The following INTS1 variants were observed in gnomAD, a reference collection of about 807,000 sequenced individuals.
INTS1 encodes the protein integrator complex subunit 1.
INTS1 carries 137 observed loss-of-function variants against 241.6 expected under a neutral mutation model. The ratio of observed to expected loss-of-function variants is 0.57; its 90% CI spans 0.49 to 0.65. INTS1 has a LOEUF of 0.65. Ranked by LOEUF, INTS1 falls within the 30% of genes least tolerant of loss-of-function variation. INTS1 has a pLI of 0.00. For synonymous variants in INTS1, 1,692 were observed against 1,337.8 expected (o/e 1.26, Z -5.78); for missense variants, 3,073 against 3,032.2 (o/e 1.01, Z -0.32).
In INTS1 at chr7:1,470,856, G is replaced by C. The variant is rs1781429652; in HGVS notation, c.6447C>G (p.Leu2149=). 1 of 1,590,072 alleles carries C rather than the reference G, an allele frequency of 6.3e-7. No individual in the cohort carries two copies. The highest frequency in any genetic ancestry group is 2.3e-5 in the East Asian group (1 of 43,356). The change falls in exon 47 of 48, where the codon CTC becomes CTG. Residue 2149 remains leucine, a synonymous_variant. Transcript: ENST00000404767. ...GGGGCCAGTCCTCACCTTGGCACAG[G>C]AGAGCGTACTCAGGCAGGTTCCGGA... The part of the protein sequence containing the change: ...TALRNLPEYA[L]LCQEHAAVLL...
At chr7:1,503,836 G>A in intron 2 of INTS1, 67 bp downstream of exon 2, 4 of 810,350 alleles carry the variant, frequency 4.9e-6, no homozygotes, top group South Asian at 1.8e-5. Context: ...CGCGGCAGCT[G>A]AGATCCCCAA....
chr7:1,482,869 T>A, intron 26 of INTS1, 162 bp from the exon 27 acceptor site: 1 of 770,876 alleles, frequency 1.3e-6, no homozygotes, highest in Admixed American at 2.7e-5. Flanking sequence ...TATGTGCGGA[T>A]GCTTTGCGTA....
rs748285502 is a variant in INTS1, at chr7:1,474,326, G to A, written c.5671C>T (p.Arg1891Cys). Residue 1891 changes from arginine (R) to cysteine (C), a missense_variant, in exon 41 of 48, where the codon CGC (arginine) becomes TGC (cysteine). Transcript: ENST00000404767. ...AACTCCTGGAAGTTGAGGTGGGTGC[G>A]GCCGTGCAGGAGCGCCGCGATCATG... Reference protein sequence around the residue: ...LPMIAALLHGRTHLNFQEFRQ... With the variant: ...LPMIAALLHGCTHLNFQEFRQ... 1.2e-5 allele frequency: 19 copies of A among 1,606,040 alleles called. No homozygotes were observed. In the East Asian group the frequency reaches 2.7e-4, roughly 23 times the overall value.
In INTS1 at chr7:1,481,260, C is replaced by G; in HGVS notation, c.3850+82G>C. On this transcript the variant is annotated intron_variant, in intron 28 of 47. Coordinates refer to ENST00000404767, the MANE Select transcript of INTS1 (RefSeq NM_001080453.3). The surrounding 1 kb of genome is among the most constrained non-coding windows in gnomAD (Gnocchi z 6.8). ...CCCGACCTCGGATCACCCACCCGCT[C>G]GCACCCAGGCCCCAAAAGCCTGGCC... 6.5e-7 allele frequency: 1 copy of G among 1,530,324 alleles called. No homozygotes were observed. 94.8% of individuals were successfully genotyped at this position (1,530,324 alleles called of 1,614,324 possible).
At position 1,479,558 on chromosome 7, in the gene INTS1, T is replaced by G. The variant is rs745854909; in HGVS notation, c.4201A>C (p.Ile1401Leu). The change falls in exon 31 of 48, where the codon ATC becomes CTC. Residue 1401 changes from isoleucine (I) to leucine (L), a missense_variant. Transcript: ENST00000404767. ...VVQGSPEVPGITVRVLQALAT... is the reference protein window; with the variant it reads ...VVQGSPEVPGLTVRVLQALAT... Reference sequence around the variant, plus strand: ...AGGGCCTGCAGGACACGCACCGTGATGCCCGGCACCTCGGGGCTGCCCTGG... The same window carrying G: ...AGGGCCTGCAGGACACGCACCGTGAGGCCCGGCACCTCGGGGCTGCCCTGG... 6.4e-7 allele frequency: 1 copy of G among 1,552,716 alleles called. No individual in the cohort carries two copies. The highest frequency in any genetic ancestry group is 8.7e-7 in the Non-Finnish European group (1 of 1,150,196).
intron 17 of INTS1, 60 bp from the exon 18 acceptor site, chr7:1,489,464 C>T: frequency 6.4e-7 from 1 of 1,564,972 alleles, no homozygotes; most frequent in Admixed American, 1.9e-5. Flanking sequence ...CGTGTGACCC[C>T]CGCTTCTCCC....
chr7:1,473,266 G>A lies in INTS1; in HGVS notation c.5958-82C>T, dbSNP rs10249696. The A allele has an allele frequency of 3.0e-4, 285 of 950,142 alleles. 2 individuals are homozygous for A. The African/African-American group carries it at 4.2e-3, about 14-fold the overall frequency. 58.9% of individuals were successfully genotyped at this position (950,142 alleles called of 1,614,324 possible). A position where few individuals can be genotyped will look rare whatever the true frequency, so the allele number is the denominator to read the frequency against. ...GTCAGGGGTCAAACTAGGGTGGCAT[G>A]GGAGCGTGTGGACACAGGCATGCAG... On this transcript the variant is annotated intron_variant, in intron 42 of 47. Transcript: ENST00000404767.
At chr7:1,485,894 A>G (rs1192342910) in intron 22 of INTS1, among the ~76,000 whole-genome samples, 1 of 152,172 alleles carries the variant, frequency 6.6e-6, no homozygotes, top group Non-Finnish European at 1.5e-5. Flanking sequence ...TACAGCCTCA[A>G]GTGATTCTCC....
Position 1,470,617 on chromosome 7 carries a change from G to A in INTS1, c.6533C>T (p.Ser2178Phe). The change falls in exon 48 of 48, where the codon TCC becomes TTC. Residue 2178 changes from serine (S) to phenylalanine (F), a missense_variant. Coordinates refer to ENST00000404767, the MANE Select transcript of INTS1 (RefSeq NM_001080453.3). ...YGQMDPSAQI[S>F]EALRILHMEA... ...CATATGCAGGATCCTCAGGGCCTCG[G>A]AGATCTGCGCGCTGGGGTCCATCTG... The A allele has an allele frequency of 1.3e-6, 2 of 1,586,426 alleles. No homozygotes were observed. The highest frequency in any genetic ancestry group is 1.1e-5 in the South Asian group (1 of 87,208).
rs183466870 is a variant in INTS1, at chr7:1,476,134, G to A, written c.5379-63C>T. 613 of 1,524,710 alleles carry A rather than the reference G, an allele frequency of 4.0e-4. 9 individuals are homozygous for A. The East Asian group carries it at 0.014, about 35-fold the overall frequency. The allele number at this position is 1,524,710 out of a possible 1,614,324, so 94.4% of individuals were successfully genotyped here. A position where few individuals can be genotyped will look rare whatever the true frequency, so the allele number is the denominator to read the frequency against. Reference sequence around the variant, plus strand: ...GCCCCAGTGACAGGGGTGGGTGGACGGGACCAGGCGTGATGGGAACCCACC... The same window carrying A: ...GCCCCAGTGACAGGGGTGGGTGGACAGGACCAGGCGTGATGGGAACCCACC... On this transcript the variant is annotated intron_variant, in intron 38 of 47. Transcript: ENST00000404767.
intron 41 of INTS1, 32 bp downstream of exon 41, chr7:1,474,136 G>A (rs1172493017): frequency 1.3e-6 from 2 of 1,534,472 alleles, no homozygotes; most frequent in East Asian, 2.3e-5. Flanking sequence ...GGAGTGGAAG[G>A]GAGCGCGAGG....
intron 12 of INTS1, 52 bp downstream of exon 12, chr7:1,496,104 C>G: frequency 6.9e-7 from 1 of 1,453,128 alleles, no homozygotes; most frequent in Non-Finnish European, 9.7e-7. Context: ...CAGCCACCAG[C>G]CTGGACCCGA....
intron 26 of INTS1, 124 bp downstream of exon 26, chr7:1,483,618 G>A (rs909148821): frequency 1.3e-6 from 1 of 749,460 alleles, no homozygotes; most frequent in Admixed American, 2.0e-5. Context: ...CCAGGACACA[G>A]GGTTGAAGGG....
At chr7:1,482,068 G>A (rs1782026765) in intron 27 of INTS1, among the ~76,000 whole-genome samples, 1 of 152,172 alleles carries the variant, frequency 6.6e-6, no homozygotes, top group Non-Finnish European at 1.5e-5. Context: ...GGTTTCCAGA[G>A]CCAGCCCCAC....
At chr7:1,500,753 C>T (rs974669171) in intron 3 of INTS1, 7 of 190,012 alleles carry the variant, frequency 3.7e-5, no homozygotes, top group Non-Finnish European at 7.6e-5. Context: ...CTCTCCGCAC[C>T]CACCCCAGCT....
At position 1,474,783 on chromosome 7, in the gene INTS1, C is replaced by G. The variant is rs746759664; in HGVS notation, c.5558G>C (p.Arg1853Pro). Residue 1853 changes from arginine (R) to proline (P), a missense_variant, in exon 40 of 48, where the codon CGG (arginine) becomes CCG (proline). Arg to Pro is a moderately radical substitution (Grantham distance 103). Transcript: ENST00000404767. ...ATCCGCCCCTCGGTTCTCCAACGCCCGGGAGTCGCTGGTGTCCGCAAGGAG... is the reference window on the plus strand; with the variant it reads ...ATCCGCCCCTCGGTTCTCCAACGCCGGGGAGTCGCTGGTGTCCGCAAGGAG... ...ITLLADTSDS[R>P]ALENRGADAS... 1 of 1,582,138 alleles carries G rather than the reference C, an allele frequency of 6.3e-7. No individual in the cohort carries two copies. Among genetic ancestry groups the G allele is most frequent in the Non-Finnish European group, 8.6e-7 (1 of 1,166,660 alleles).
Position 1,471,170 on chromosome 7 carries a change from A to AG in INTS1, c.6309dup (p.Phe2104LeufsTer32), listed in dbSNP as rs1393337459. The AG allele has an allele frequency of 2.1e-5, 33 of 1,582,852 alleles. No individual in the cohort carries two copies. The highest frequency in any genetic ancestry group is 2.8e-5 in the Non-Finnish European group (33 of 1,165,964). The stretch of plus-strand genomic sequence containing the variant: ...TGCATGGAGCGCAGGGCCAGGCTGA[A>AG]GGCGAGGTTGCGGCAACACTCCTCG... On this transcript the variant is annotated frameshift_variant, in exon 46 of 48. Coordinates refer to ENST00000404767, the MANE Select transcript of INTS1 (RefSeq NM_001080453.3). LOFTEE classifies it high-confidence loss of function.
chr7:1,483,602 G>A (rs763837655), intron 26 of INTS1, 140 bp downstream of exon 26: 8 of 713,810 alleles, frequency 1.1e-5, no homozygotes, highest in African/African-American at 1.0e-4. Context: ...CTCTTTAGGA[G>A]AGAAGCCAGG....
chr7:1,474,071 G>A, intron 41 of INTS1, 97 bp downstream of exon 41: 2 of 1,360,010 alleles, frequency 1.5e-6, no homozygotes, highest in Non-Finnish European at 9.7e-7. Context: ...CCTGGCTGCA[G>A]AGGTCCTCCC....
Sources: allele counts gnomAD v4.1 joint callset (sites outside exome capture counted in the v4.1 genomes callset), GRCh38; gene constraint gnomAD v4.1.1; non-coding constraint Gnocchi (gnomAD v3.1); transcripts MANE v1.5; gene names NCBI Gene and HGNC (gene_info 2026-07-23, HGNC 2026-07-21).